CFAP20DC: variants seen among roughly 807,000 people sequenced by gnomAD.
CFAP20DC encodes CFAP20 domain containing.
In CFAP20DC, 84 loss-of-function variants were observed where a neutral mutation model predicts 101.7. The observed-to-expected ratio is 0.83, with a 90% CI of 0.69 to 0.99. CFAP20DC has a LOEUF of 0.99. Among genes scored for constraint, CFAP20DC ranks in the 50% least tolerant of loss-of-function variants. CFAP20DC has a pLI of 0.00. For synonymous variants in CFAP20DC, 359 were observed against 351.2 expected (o/e 1.02, Z -0.25); for missense variants, 1,007 against 970.3 (o/e 1.04, Z -0.50).
intron 6 of CFAP20DC, among the ~76,000 whole-genome samples, chr3:58,902,104 A>G (rs776556935): frequency 2.6e-5 from 4 of 152,188 alleles, no homozygotes; most frequent in Non-Finnish European, 5.9e-5. Context: ...ATTCCTTCTT[A>G]TGGCTGAATG....
In CFAP20DC at chr3:59,014,744, T is replaced by C. The variant is rs1186763469; in HGVS notation, c.278+24813A>G. Reference sequence around the variant, plus strand: ...CATTAATTGTGGAAGTCAGTAGTACTACATATGGTGGTAGTACTACATAAT... The same window carrying C: ...CATTAATTGTGGAAGTCAGTAGTACCACATATGGTGGTAGTACTACATAAT... On this transcript the variant is annotated intron_variant, in intron 4 of 16. Coordinates refer to ENST00000482387, the MANE Select transcript of CFAP20DC (RefSeq NM_001394063.1). The surrounding 1 kb of genome is among the most constrained non-coding windows in gnomAD (Gnocchi z 4.9). Among the ~76,000 whole-genome samples, 3 of 152,118 alleles carry C rather than the reference T, an allele frequency of 2.0e-5. No individual in the cohort carries two copies. The highest frequency in any genetic ancestry group is 2.9e-5 in the Non-Finnish European group (2 of 68,008).
chr3:58,976,771 C>T (rs759666725), intron 4 of CFAP20DC, among the ~76,000 whole-genome samples: 3 of 152,054 alleles, frequency 2.0e-5, no homozygotes, highest in Non-Finnish European at 4.4e-5. Flanking sequence ...CCCAAAGACA[C>T]GCATGTCAGG....
chr3:58,732,843 A>G lies in CFAP20DC; in HGVS notation c.198-15215T>C, dbSNP rs762767461. ...GTCTTTGGTGAAATGTTCTATATCT[A>G]TAACTTGTGATTAAGCTCAGGATAG... On this transcript the variant is annotated intron_variant, in intron 3 of 3. Transcript: ENST00000486145. The surrounding 1 kb of genome is among the most constrained non-coding windows in gnomAD (Gnocchi z 5.4). 4.6e-5 allele frequency among the ~76,000 whole-genome samples: 7 copies of G among 152,230 alleles called. No individual in the cohort carries two copies. The South Asian group carries it at 1.0e-3, about 22-fold the overall frequency.
At chr3:58,824,204 C>T (rs373123556) in intron 14 of CFAP20DC, among the ~76,000 whole-genome samples, 2 of 152,244 alleles carry the variant, frequency 1.3e-5, no homozygotes, top group African/African-American at 4.8e-5. Flanking sequence ...AAAACTCATT[C>T]TACCCAAAGA....
chr3:58,814,351 G>A (rs927051996), intron 14 of CFAP20DC, among the ~76,000 whole-genome samples: 22 of 151,756 alleles, frequency 1.4e-4, no homozygotes, highest in Non-Finnish European at 2.4e-4. Context: ...TTGATGGGAC[G>A]TATTTCAAAA....
At chr3:58,816,194 G>C (rs2075115634) in intron 14 of CFAP20DC, among the ~76,000 whole-genome samples, 1 of 152,010 alleles carries the variant, frequency 6.6e-6, no homozygotes, top group East Asian at 1.9e-4. Context: ...AAAATGATGA[G>C]TTCATGTCCT....
intron 4 of CFAP20DC, among the ~76,000 whole-genome samples, chr3:58,939,146 A>G (rs78652192): frequency 2.5e-3 from 381 of 152,298 alleles, no homozygotes; most frequent in African/African-American, 7.9e-3. Context: ...ATTTTTGTGC[A>G]TGTCTCATTA....
chr3:59,005,260 C>T (rs535275904), intron 4 of CFAP20DC, among the ~76,000 whole-genome samples: 4 of 152,136 alleles, frequency 2.6e-5, no homozygotes, highest in African/African-American at 4.8e-5. Flanking sequence ...GTGGAGCAGA[C>T]CTTACTCCAA....
At chr3:58,931,717 T>C (rs907221250) in intron 5 of CFAP20DC, among the ~76,000 whole-genome samples, 2 of 152,194 alleles carry the variant, frequency 1.3e-5, no homozygotes, top group African/African-American at 2.4e-5. Context: ...GAGGCTCCTG[T>C]CTGTTAGAAG....
intron 15 of CFAP20DC, among the ~76,000 whole-genome samples, chr3:58,756,936 G>C (rs773401037): frequency 1.3e-5 from 2 of 151,958 alleles, no homozygotes; most frequent in Non-Finnish European, 2.9e-5. Flanking sequence ...ACCCTATGGA[G>C]GTACTATCAT....
intron 4 of CFAP20DC, chr3:59,018,582 C>T (rs1435851478): frequency 6.6e-6 from 1 of 152,010 alleles, no homozygotes; most frequent in Non-Finnish European, 1.5e-5. Flanking sequence ...CCTAAGAAAA[C>T]ATCAGACAAA....
In CFAP20DC at chr3:59,049,885, C is replaced by G. The variant is rs1030903088; in HGVS notation, c.-254G>C. 1.8e-6 allele frequency: 1 copy of G among 566,582 alleles called. No individual in the cohort carries two copies. The highest frequency in any genetic ancestry group is 1.9e-5 in the African/African-American group (1 of 52,646). 35.1% of individuals were successfully genotyped at this position (566,582 alleles called of 1,614,324 possible). A position where few individuals can be genotyped will look rare whatever the true frequency, so the allele number is the denominator to read the frequency against. On this transcript the variant is annotated 5_prime_UTR_variant, in exon 1 of 17. Coordinates refer to ENST00000482387, the MANE Select transcript of CFAP20DC (RefSeq NM_001394063.1). ...CCGGGTCTGGGGAGGGCGCAGCTGC[C>G]TGGACGGACTCCGGGCCGTCCCTGG... is the stretch of plus-strand genomic sequence containing the variant.
intron 6 of CFAP20DC, among the ~76,000 whole-genome samples, chr3:58,908,603 A>G (rs2083836714): frequency 6.6e-6 from 1 of 152,232 alleles, no homozygotes; most frequent in Non-Finnish European, 1.5e-5. Flanking sequence ...AGTTTCTTAC[A>G]AAACTAAACA....
intron 15 of CFAP20DC, among the ~76,000 whole-genome samples, chr3:58,784,729 G>A (rs2072164564): frequency 6.6e-6 from 1 of 152,136 alleles, no homozygotes; most frequent in South Asian, 2.1e-4. Flanking sequence ...TGAAGTTCTT[G>A]AGAAATGTCC....
At chr3:58,768,437 G>A (rs137950538) in intron 15 of CFAP20DC, among the ~76,000 whole-genome samples, 2,041 of 152,260 alleles carry the variant, frequency 0.013, 38 homozygotes, top group African/African-American at 0.045. Flanking sequence ...TAACACGAGC[G>A]GGAATCTGAG....
intron 4 of CFAP20DC, among the ~76,000 whole-genome samples, chr3:58,984,788 T>C (rs747125842): frequency 4.6e-5 from 7 of 152,184 alleles, no homozygotes; most frequent in Non-Finnish European, 8.8e-5. Context: ...GGTGGGCTAT[T>C]ACTGAACTTC....
At chr3:58,825,183 T>A (rs540540627) in intron 14 of CFAP20DC, among the ~76,000 whole-genome samples, 35 of 152,186 alleles carry the variant, frequency 2.3e-4, no homozygotes, top group African/African-American at 7.9e-4. Flanking sequence ...CACTACAGAA[T>A]CTCTGCTTAC....
downstream of CFAP20DC, among the ~76,000 whole-genome samples, chr3:58,737,471 T>C (rs2067784178): frequency 6.6e-6 from 1 of 152,160 alleles, no homozygotes; most frequent in African/African-American, 2.4e-5. This position sits in a 1 kb window ranked among gnomAD's most constrained non-coding sequence, Gnocchi z 4.1. Context: ...TCTCAAAGGA[T>C]GTGAGTGGAT....
At chr3:58,866,432 A>G in intron 11 of CFAP20DC, 134 bp downstream of exon 11, 2 of 663,400 alleles carry the variant, frequency 3.0e-6, no homozygotes, top group East Asian at 3.0e-5. Flanking sequence ...AGGTTAAATA[A>G]GAAGATTTAC....
Sources: gnomAD v4.1 joint callset for allele counts (sites outside exome capture counted in the v4.1 genomes callset) on GRCh38, gnomAD v4.1.1 for gene constraint, Gnocchi (gnomAD v3.1) non-coding constraint, MANE v1.5 for transcripts, NCBI Gene and HGNC (gene_info 2026-07-23, HGNC 2026-07-21) for gene names.